Variants in RADIL observed in about 807,000 individuals in gnomAD.
RADIL encodes the protein Rap associating with DIL domain.
In RADIL, 99 loss-of-function variants were observed where a neutral mutation model predicts 97.6. That is an observed-to-expected ratio of 1.01 (90% CI 0.86 to 1.20). The LOEUF (loss-of-function observed/expected upper bound fraction) is 1.20. Among genes scored for constraint, RADIL ranks in the 50% most tolerant of loss-of-function variants. The pLI is 0.00. For missense variants in RADIL, 1,765 were observed against 1,498.9 expected (o/e 1.18, Z -2.93); for synonymous variants, 803 against 691.8 (o/e 1.16, Z -2.52).
chr7:4,801,081 C>T (rs1562424097), intron 12 of RADIL, among the ~76,000 whole-genome samples: 1 of 151,480 alleles, frequency 6.6e-6, no homozygotes, highest in South Asian at 2.2e-4. Flanking sequence ...TGCACACGTG[C>T]ACTTACACCC....
chr7:4,799,065 A>C lies in RADIL; in HGVS notation c.*313T>G. On this transcript the variant is annotated 3_prime_UTR_variant, in exon 15 of 15. Transcript: ENST00000399583. ...CCCCTGCGGCCCCTCCGAGCAGCCC[A>C]CGCCTGCTGCCCGAGTTGAGACCCC... 5.5e-6 allele frequency: 2 copies of C among 362,784 alleles called. No homozygotes were observed. The highest frequency in any genetic ancestry group is 1.0e-5 in the Non-Finnish European group (2 of 191,212). 22.5% of individuals were successfully genotyped at this position (362,784 alleles called of 1,614,324 possible).
Position 4,879,427 on chromosome 7 carries a change from C to G in RADIL, c.-64-1224G>C, listed in dbSNP as rs1002712844. ...GGAAAATACTGGAAAACTGCGCACA[C>G]ATCTCCCCATTACTGTACCCCACTT... On this transcript the variant is annotated intron_variant, in intron 1 of 14. Transcript: ENST00000399583. The surrounding 1 kb of genome is among the most constrained non-coding windows in gnomAD (Gnocchi z 4.1). Among the ~76,000 whole-genome samples the G allele has an allele frequency of 3.9e-5, 6 of 152,342 alleles. No individual in the cohort carries two copies. Among genetic ancestry groups the G allele is most frequent in the African/African-American group, 1.4e-4 (6 of 41,574 alleles).
intron 2 of RADIL, among the ~76,000 whole-genome samples, chr7:4,870,762 A>C (rs904449708): frequency 7.2e-5 from 11 of 152,182 alleles, no homozygotes; most frequent in African/African-American, 2.2e-4. Context: ...TCTTTCAAAC[A>C]GTTCACACCA....
intron 2 of RADIL, among the ~76,000 whole-genome samples, chr7:4,838,589 G>A (rs1229511462): frequency 6.6e-6 from 1 of 152,172 alleles, no homozygotes; most frequent in African/African-American, 2.4e-5. Flanking sequence ...GCCCAGGGCT[G>A]GGCTCTCTGC....
rs896618660 is a variant in RADIL at position 4,821,097 on chromosome 7, G to T, written c.1615+1297C>A. Reference sequence around the variant, plus strand: ...GCAGCGTCTGGTAGACTGAGCCTGTGGGAGCTCCTGTCCCTGCACACCGGG... The same window carrying T: ...GCAGCGTCTGGTAGACTGAGCCTGTTGGAGCTCCTGTCCCTGCACACCGGG... On this transcript the variant is annotated intron_variant, in intron 6 of 14. Transcript: ENST00000399583. This position sits in a 1 kb window ranked among gnomAD's most constrained non-coding sequence, Gnocchi z 5.2. 2.6e-5 allele frequency among the ~76,000 whole-genome samples: 4 copies of T among 152,202 alleles called. No individual in the cohort carries two copies.
In RADIL at chr7:4,849,125, G is replaced by C. The variant is rs1783646955; in HGVS notation, c.536-12520C>G. ...TGCACTCCAGCCTGGGCAACAAGAG[G>C]GAAATTCTGTCTCAAAAAAAAAAAA... On this transcript the variant is annotated intron_variant, in intron 2 of 14. Transcript: ENST00000399583. This position sits in a 1 kb window ranked among gnomAD's most constrained non-coding sequence, Gnocchi z 5.4. Among the ~76,000 whole-genome samples, 1 of 139,186 alleles carries C rather than the reference G, an allele frequency of 7.2e-6. No individual in the cohort carries two copies. The highest frequency in any genetic ancestry group is 7.2e-5 in the Admixed American group (1 of 13,980). The allele number at this position is 139,186 out of a possible 152,430, so 91.3% of individuals were successfully genotyped here.
Position 4,835,099 on chromosome 7 carries a change from G to C in RADIL, c.924C>G (p.Ser308Arg), listed in dbSNP as rs1391619717. 1.2e-6 allele frequency: 2 copies of C among 1,608,184 alleles called. No individual in the cohort carries two copies. The highest frequency in any genetic ancestry group is 2.2e-5 in the South Asian group (2 of 90,428). ...GGACCAGCCTCCCCGCGGCCTGGCC[G>C]CTGTCCGGGAGCGGTTGCCGGCGGA... ...CTIRRQPLPDSGQAAGRLVLE... is the reference protein window; with the variant it reads ...CTIRRQPLPDRGQAAGRLVLE... Residue 308 changes from serine (S) to arginine (R), a missense_variant, in exon 4 of 15, where the codon AGC becomes AGG. Ser to Arg is a moderately radical substitution (Grantham distance 110, BLOSUM62 -1). Transcript: ENST00000399583. This position sits in a 1 kb window ranked among gnomAD's most constrained non-coding sequence, Gnocchi z 5.8.
intron 1 of RADIL, among the ~76,000 whole-genome samples, chr7:4,881,811 T>C (rs1391374759): frequency 1.3e-5 from 2 of 151,544 alleles, no homozygotes; most frequent in East Asian, 3.9e-4. Context: ...CAGGGGTGGA[T>C]ATATGTTTTG....
chr7:4,861,834 G>GCACGTCCCCCACCACCGAGACCTT, intron 2 of RADIL: 1 of 1,268,420 alleles, frequency 7.9e-7, no homozygotes, highest in Non-Finnish European at 1.0e-6. Flanking sequence ...CCCCGCCAGG[G>GCACGTCCCCCACCACCGAGACCTT]CACGTCCCCC....
intron 5 of RADIL, among the ~76,000 whole-genome samples, chr7:4,830,010 CCCCCCAGACACA>C (rs1488277495): frequency 2.6e-5 from 4 of 152,158 alleles, no homozygotes; most frequent in Non-Finnish European, 5.9e-5. Flanking sequence ...TCAGCCTGAG[CCCCCCAGACACA>C]CCCCCTCCCT....
intron 2 of RADIL, among the ~76,000 whole-genome samples, chr7:4,862,713 C>T (rs904964702): frequency 6.6e-6 from 1 of 151,058 alleles, no homozygotes; most frequent in Non-Finnish European, 1.5e-5. Context: ...CCAGCCTCAA[C>T]ATGGAGAAAC....
rs745629302 is a variant in RADIL at position 4,861,367 on chromosome 7, C to T, written c.535+16238G>A. ...CTGGCACAAATGCCTCCTCGACAGC[C>T]CTTAAATCTTTCACTTCCTCCTGTA... On this transcript the variant is annotated intron_variant, in intron 2 of 14. Coordinates refer to ENST00000399583, the MANE Select transcript of RADIL (RefSeq NM_018059.5). The T allele has an allele frequency of 3.1e-6, 5 of 1,614,030 alleles. No homozygotes were observed. The East Asian group carries it at 6.7e-5, about 22-fold the overall frequency.
At chr7:4,804,075 T>A (rs1357693725) in intron 10 of RADIL, 1 of 383,124 alleles carries the variant, frequency 2.6e-6, no homozygotes, top group Non-Finnish European at 5.0e-6. Context: ...TCTGATGGTG[T>A]CTCCGGGTAA....
chr7:4,805,745 C>T (rs776397021), intron 9 of RADIL, 29 bp from the exon 10 acceptor site: 8 of 1,595,478 alleles, frequency 5.0e-6, no homozygotes, highest in Admixed American at 1.7e-5. Flanking sequence ...CTCATGGTCA[C>T]AGGTCTCTGG....
rs568703635 is a variant in RADIL, at chr7:4,837,753, C to G, written c.536-1148G>C. On this transcript the variant is annotated intron_variant, in intron 2 of 14. Coordinates refer to ENST00000399583, the MANE Select transcript of RADIL (RefSeq NM_018059.5). The surrounding 1 kb of genome is among the most constrained non-coding windows in gnomAD (Gnocchi z 5.6). ...CACACACCCTTAGAAGACTTAATATCTCATAAATACAGACACGCTCTCTAA... is the reference window on the plus strand; with the variant it reads ...CACACACCCTTAGAAGACTTAATATGTCATAAATACAGACACGCTCTCTAA... 1.5e-5 allele frequency: 12 copies of G among 826,478 alleles called. No individual in the cohort carries two copies. Among genetic ancestry groups the G allele is most frequent in the East Asian group, 1.2e-4 (1 of 8,026 alleles). The allele number at this position is 826,478 out of a possible 1,614,324, so 51.2% of individuals were successfully genotyped here. A position where few individuals can be genotyped will look rare whatever the true frequency, so the allele number is the denominator to read the frequency against.
intron 4 of RADIL, among the ~76,000 whole-genome samples, chr7:4,832,704 A>T (rs1292742140): frequency 6.8e-6 from 1 of 147,438 alleles, no homozygotes; most frequent in African/African-American, 2.5e-5. Context: ...ACGCCACCGC[A>T]CTACAGCCTG....
intron 2 of RADIL, among the ~76,000 whole-genome samples, chr7:4,876,581 G>A (rs1278237312): frequency 6.6e-6 from 1 of 152,160 alleles, no homozygotes; most frequent in Non-Finnish European, 1.5e-5. Context: ...GATTACAGGT[G>A]TGAGCCACCG....
chr7:4,821,003 G>A lies in RADIL; in HGVS notation c.1615+1391C>T, dbSNP rs988671171. 1.3e-5 allele frequency among the ~76,000 whole-genome samples: 2 copies of A among 152,208 alleles called. No homozygotes were observed. The highest frequency in any genetic ancestry group is 4.8e-5 in the African/African-American group (2 of 41,462). ...CGCCTGGCCTTGTGTCCTCCGGGCT[G>A]TCTCAGATGCAGCCACAGCCACAGC... On this transcript the variant is annotated intron_variant, in intron 6 of 14. Coordinates refer to ENST00000399583, the MANE Select transcript of RADIL (RefSeq NM_018059.5). The surrounding 1 kb of genome is among the most constrained non-coding windows in gnomAD (Gnocchi z 5.2).
At chr7:4,857,009 C>T (rs1222624471) in intron 2 of RADIL, among the ~76,000 whole-genome samples, 1 of 152,230 alleles carries the variant, frequency 6.6e-6, no homozygotes, top group South Asian at 2.1e-4. Flanking sequence ...AGCCACTACA[C>T]CGGACTGTGT....
Sources: allele counts gnomAD v4.1 joint callset (sites outside exome capture counted in the v4.1 genomes callset), GRCh38; gene constraint gnomAD v4.1.1; non-coding constraint Gnocchi (gnomAD v3.1); transcripts MANE v1.5; gene names NCBI Gene and HGNC (gene_info 2026-07-23, HGNC 2026-07-21).